Variants in RCCD1 observed in about 807,000 individuals in gnomAD.
RCCD1 encodes the protein RCC1 domain-containing protein 1.
A neutral mutation model predicts 37.6 loss-of-function variants in RCCD1; 40 were observed. The ratio of observed to expected loss-of-function variants is 1.06; its 90% CI spans 0.83 to 1.39. RCCD1 has a LOEUF of 1.39. Among genes scored for constraint, RCCD1 ranks in the 40% most tolerant of loss-of-function variants. RCCD1 has a pLI of 0.00. For missense variants in RCCD1, 577 were observed against 517.3 expected, an observed-to-expected ratio of 1.12 and a Z score of -1.12; for synonymous variants, 263 against 230.0, an observed-to-expected ratio of 1.14 and a Z score of -1.30.
chr15:90,955,271 C>T (rs1412108278), intron 1 of RCCD1: 1 of 152,240 alleles, frequency 6.6e-6, no homozygotes, highest in African/African-American at 2.4e-5. Flanking sequence ...CGTCACCGCC[C>T]TTGCTGGTGA....
At chr15:90,955,359 C>T (rs888146517) in intron 1 of RCCD1, 3 of 152,250 alleles carry the variant, frequency 2.0e-5, no homozygotes, top group Admixed American at 6.5e-5. Flanking sequence ...GAGGCCTTTC[C>T]GGAGGCGGCC....
chr15:90,959,134 C>T (rs1165165889), intron 4 of RCCD1, among the ~76,000 whole-genome samples: 1 of 151,960 alleles, frequency 6.6e-6, no homozygotes. Flanking sequence ...CCTGGGACCT[C>T]GGGCCTGGTA....
intron 5 of RCCD1, 32 bp from the exon 6 acceptor site, chr15:90,960,296 T>G (rs756225661): frequency 6.4e-7 from 1 of 1,567,246 alleles, no homozygotes; most frequent in Non-Finnish European, 8.7e-7. Flanking sequence ...CAGGGCTCAG[T>G]TGGTGTTCAC....
At chr15:90,959,120 G>A (rs528388870) in intron 4 of RCCD1, among the ~76,000 whole-genome samples, 3 of 152,064 alleles carry the variant, frequency 2.0e-5, no homozygotes, top group Non-Finnish European at 4.4e-5. Context: ...ATCATTGCTC[G>A]GGCCCTGGGA....
rs571916748 is a variant in RCCD1 at position 90,961,382 on chromosome 15, C to T, written c.980-236C>T. The T allele has an allele frequency of 5.3e-5, 31 of 584,954 alleles. No homozygotes were observed. In the African/African-American group the frequency reaches 5.6e-4, roughly 11 times the overall value. 36.2% of individuals were successfully genotyped at this position (584,954 alleles called of 1,614,324 possible). On this transcript the variant is annotated intron_variant, in intron 7 of 7. Coordinates refer to ENST00000394258, the MANE Select transcript of RCCD1 (RefSeq NM_001017919.2). ...GAAAAAGATTCGATGGAAGTGTGTG[C>T]TCTGAACATCTTAGCTTGGATAGCA...
At chr15:90,959,723 G>A (rs536389595) in intron 4 of RCCD1, 177 bp from the exon 5 acceptor site, 3 of 493,270 alleles carry the variant, frequency 6.1e-6, no homozygotes, top group South Asian at 3.9e-5. Flanking sequence ...AAGGCATTGA[G>A]GGGATGTGAA....
chr15:90,956,733 G>T lies in RCCD1; in HGVS notation c.-2G>T, dbSNP rs929920457. On this transcript the variant is annotated 5_prime_UTR_variant, in exon 2 of 8. Coordinates refer to ENST00000394258, the MANE Select transcript of RCCD1 (RefSeq NM_001017919.2). Reference sequence around the variant, plus strand: ...GCGGCCGGCAGAGGGCGCTGCTCGGGCATGGCGGAGGAGCGGCCGGGGGCC... The same window carrying T: ...GCGGCCGGCAGAGGGCGCTGCTCGGTCATGGCGGAGGAGCGGCCGGGGGCC... 7.7e-7 allele frequency: 1 copy of T among 1,302,294 alleles called. No individual in the cohort carries two copies. The allele number at this position is 1,302,294 out of a possible 1,614,324, so 80.7% of individuals were successfully genotyped here. A position where few individuals can be genotyped will look rare whatever the true frequency, so the allele number is the denominator to read the frequency against.
At chr15:90,955,777 TTGTC>T (rs1268598001) in intron 1 of RCCD1, 1 of 146,510 alleles carries the variant, frequency 6.8e-6, no homozygotes, top group Non-Finnish European at 1.5e-5. Flanking sequence ...ACCAGACTGT[TTGTC>T]TCCCCATTTA....
intron 4 of RCCD1, among the ~76,000 whole-genome samples, chr15:90,958,627 CAAA>C (rs5814447): frequency 1.9e-3 from 143 of 74,996 alleles, no homozygotes; most frequent in East Asian, 4.5e-3. Flanking sequence ...GACTCAGTCT[CAAA>C]AAAAAAAAAA....
In RCCD1 at chr15:90,957,630, T is replaced by A. The variant is rs1269234064; in HGVS notation, c.584T>A (p.Leu195Gln). 6.2e-7 allele frequency: 1 copy of A among 1,613,948 alleles called. No individual in the cohort carries two copies. Among genetic ancestry groups the A allele is most frequent in the Non-Finnish European group, 8.5e-7 (1 of 1,180,004 alleles). ...GRHGQLGHGT[L>Q]EAELEPRLLE... is the part of the protein sequence containing the mutation. ...CATGGACAGCTGGGCCATGGGACCC[T>A]GGAGGCAGAGCTGGAGCCACGGCTG... Residue 195 changes from leucine to glutamine, a missense_variant, in exon 4 of 8, where the codon CTG (leucine) becomes CAG (glutamine). Coordinates refer to ENST00000394258, the MANE Select transcript of RCCD1 (RefSeq NM_001017919.2).
chr15:90,961,590 G>T lies in RCCD1; in HGVS notation c.980-28G>T, dbSNP rs201046865. On this transcript the variant is annotated intron_variant, in intron 7 of 7. Transcript: ENST00000394258. ...AGCAGCAGCAAGACCCAGTGGAGAC[G>T]ATGGCAAAGGGGCTGATTTCACTTT... 83 of 1,600,588 alleles carry T rather than the reference G, an allele frequency of 5.2e-5. 1 individual carries two copies. The highest frequency in any genetic ancestry group is 3.3e-4 in the South Asian group (29 of 89,222).
At chr15:90,955,233 G>C (rs1272097832) in intron 1 of RCCD1, 1 of 152,274 alleles carries the variant, frequency 6.6e-6, no homozygotes, top group Non-Finnish European at 1.5e-5. Flanking sequence ...GTTGAACAGG[G>C]CTGCGGCCGC....
chr15:90,955,635 A>C (rs1288864225), intron 1 of RCCD1: 1 of 151,524 alleles, frequency 6.6e-6, no homozygotes, highest in African/African-American at 2.4e-5. Context: ...AGGCGGGCGG[A>C]TCACTCGAGC....
chr15:90,960,798 T>C, intron 6 of RCCD1: 1 of 648,288 alleles, frequency 1.5e-6, no homozygotes. Context: ...CATGGAAGAC[T>C]GCGGCGCTCG....
chr15:90,956,573 C>T (rs1210914448), intron 1 of RCCD1, 39 bp from the exon 2 acceptor site: 4 of 671,048 alleles, frequency 6.0e-6, no homozygotes, highest in African/African-American at 3.7e-5. Flanking sequence ...CGGACTCTGC[C>T]TTTGTGGTCG....
Position 90,961,771 on chromosome 15 carries a change from A to G in RCCD1, c.*2A>G, listed in dbSNP as rs113556816. ...GCTGTGGAGAAAGGGAAGAGCTGAC[A>G]TGTGTACGTATATGTATATGCAACA... On this transcript the variant is annotated 3_prime_UTR_variant, in exon 8 of 8. Transcript: ENST00000394258. 1.0e-5 allele frequency: 16 copies of G among 1,599,580 alleles called. No homozygotes were observed. Among genetic ancestry groups the G allele is most frequent in the Admixed American group, 1.7e-5 (1 of 59,210 alleles).
intron 5 of RCCD1, 70 bp from the exon 6 acceptor site, chr15:90,960,258 T>TAA (rs1198340940): frequency 6.8e-7 from 1 of 1,464,398 alleles, no homozygotes; most frequent in African/African-American, 1.4e-5. Context: ...GTTGTGGCAA[T>TAA]AAGTGACTGC....
Position 90,957,436 on chromosome 15 carries a change from G to C in RCCD1, c.490G>C (p.Glu164Gln). Residue 164 changes from glutamate (E) to glutamine (Q), a missense_variant, in exon 3 of 8, where the codon GAG (glutamate) becomes CAG (glutamine). Physicochemically the swap from Glu to Gln is conservative, Grantham distance 29. Transcript: ENST00000394258. ...LAPELRARQL[E>Q]LGAEHALLLD... is the part of the protein sequence containing the mutation. ...TCCGGAGCTGCGGGCACGCCAGCTG[G>C]AGCTGGGCGCCGAGCACGCGTTGCT... 1 of 1,538,962 alleles carries C rather than the reference G, an allele frequency of 6.5e-7. No individual in the cohort carries two copies. Among genetic ancestry groups the C allele is most frequent in the Non-Finnish European group, 8.7e-7 (1 of 1,145,698 alleles).
At chr15:90,960,749 C>T (rs1273271617) in intron 6 of RCCD1, 2 of 610,734 alleles carry the variant, frequency 3.3e-6, no homozygotes, top group Non-Finnish European at 5.8e-6. Flanking sequence ...ACATTCCCTG[C>T]CCGCCGCCGC....
Sources: allele counts gnomAD v4.1 joint callset (sites outside exome capture counted in the v4.1 genomes callset), GRCh38; gene constraint gnomAD v4.1.1; transcripts MANE v1.5; gene names NCBI Gene and HGNC (gene_info 2026-07-23, HGNC 2026-07-21).